ADAMTS3: variants seen among roughly 807,000 people sequenced by gnomAD.
ADAMTS3 encodes the protein ADAM metallopeptidase with thrombospondin type 1 motif 3.
In ADAMTS3, 73 loss-of-function variants were observed where a neutral mutation model predicts 129.0. That is an observed-to-expected ratio of 0.57 (90% CI 0.47 to 0.69). The LOEUF (loss-of-function observed/expected upper bound fraction) is 0.69, where lower values mean the gene tolerates loss of function less well. Among genes scored for constraint, ADAMTS3 ranks in the 30% least tolerant of loss-of-function variants. The pLI is 0.00. For missense variants in ADAMTS3, 1,457 were observed against 1,514.5 expected, an observed-to-expected ratio of 0.96 and a Z score of 0.63; for synonymous variants, 477 against 510.8, an observed-to-expected ratio of 0.93 and a Z score of 0.89.
chr4:72,477,075 T>C (rs1159828274), intron 3 of ADAMTS3, among the ~76,000 whole-genome samples: 1 of 152,104 alleles, frequency 6.6e-6, no homozygotes, highest in Non-Finnish European at 1.5e-5. Flanking sequence ...GATAACATTA[T>C]ATTTAAGTGG....
At chr4:72,516,848 C>T (rs558887767) in intron 3 of ADAMTS3, among the ~76,000 whole-genome samples, 1 of 151,946 alleles carries the variant, frequency 6.6e-6, no homozygotes, top group African/African-American at 2.4e-5. Flanking sequence ...TGCCTAATTG[C>T]CCTGGCCAGA....
intron 3 of ADAMTS3, among the ~76,000 whole-genome samples, chr4:72,506,018 A>T (rs1026060068): frequency 6.6e-6 from 1 of 152,168 alleles, no homozygotes; most frequent in African/African-American, 2.4e-5. Context: ...ATGCATGGAG[A>T]TCTGCCTGAG....
chr4:72,459,427 C>T (rs1049294157), intron 3 of ADAMTS3, among the ~76,000 whole-genome samples: 2 of 151,646 alleles, frequency 1.3e-5, no homozygotes, highest in African/African-American at 2.4e-5. Context: ...TAGCAATAAA[C>T]GCAAATTATC....
At chr4:72,333,650 A>G (rs1039158982) in intron 5 of ADAMTS3, among the ~76,000 whole-genome samples, 1 of 152,006 alleles carries the variant, frequency 6.6e-6, no homozygotes, top group South Asian at 2.1e-4. Flanking sequence ...TATGACCTGA[A>G]AGATGCTTGC....
intron 21 of ADAMTS3, among the ~76,000 whole-genome samples, chr4:72,285,589 T>C (rs1023185847): frequency 1.3e-5 from 2 of 152,140 alleles, no homozygotes; most frequent in African/African-American, 2.4e-5. Context: ...AGGTCTCCCA[T>C]GTCTAAGTGT....
chr4:72,354,714 C>A (rs1578608997), intron 4 of ADAMTS3, among the ~76,000 whole-genome samples: 1 of 152,128 alleles, frequency 6.6e-6, no homozygotes, highest in East Asian at 1.9e-4. Context: ...CATAATATAT[C>A]CTTCAACAGT....
At chr4:72,549,013 A>G (rs61317550) in intron 2 of ADAMTS3, 129 bp from the exon 3 acceptor site, 215,072 of 727,718 alleles carry the variant, frequency 0.3, 33,746 homozygotes, top group East Asian at 0.48. Flanking sequence ...TTCCTGAATC[A>G]GCTCATAAAT....
chr4:72,343,764 A>G (rs1028110143), intron 4 of ADAMTS3, among the ~76,000 whole-genome samples: 2 of 152,138 alleles, frequency 1.3e-5, no homozygotes, highest in African/African-American at 4.8e-5. Context: ...CAAAAGGAAA[A>G]AAAAGGCCCT....
At position 72,568,198 on chromosome 4, in the gene ADAMTS3, C is replaced by T. The variant is rs1356324841; in HGVS notation, c.69+496G>A. Among the ~76,000 whole-genome samples, 3 of 152,138 alleles carry T rather than the reference C, an allele frequency of 2.0e-5. No homozygotes were observed. In the East Asian group the frequency reaches 5.8e-4, roughly 29 times the overall value. On this transcript the variant is annotated intron_variant, in intron 1 of 21. Coordinates refer to ENST00000286657, the MANE Select transcript of ADAMTS3 (RefSeq NM_014243.3). ...CGTGTCTACTGGATCTCTCCCTGTC[C>T]GGCCCAAGGACTTCCTGAAACCCCC...
chr4:72,564,167 C>T (rs909698599), intron 2 of ADAMTS3, among the ~76,000 whole-genome samples: 2 of 151,966 alleles, frequency 1.3e-5, no homozygotes, highest in Non-Finnish European at 2.9e-5. Flanking sequence ...CAAGTGGGGT[C>T]GGGAAAGGGA....
chr4:72,290,926 G>A lies in ADAMTS3; in HGVS notation c.2860C>T (p.Arg954Cys), dbSNP rs753521781. ...TTACAGGGCCGGCGGCTCTCGGGACGGTCACCCATGCAGTATTTGCTGTGC... is the reference window on the plus strand; with the variant it reads ...TTACAGGGCCGGCGGCTCTCGGGACAGTCACCCATGCAGTATTTGCTGTGC... ...SVHSKYCMGD[R>C]PESRRPCNRV... The change falls in exon 20 of 22, where the codon CGT (arginine) becomes TGT (cysteine). Residue 954 changes from arginine to cysteine, a missense_variant. Transcript: ENST00000286657. 10 of 1,613,888 alleles carry A rather than the reference G, an allele frequency of 6.2e-6. No homozygotes were observed. The highest frequency in any genetic ancestry group is 1.1e-5 in the South Asian group (1 of 91,082).
In ADAMTS3 at chr4:72,369,114, C is replaced by T. The variant is rs116227930; in HGVS notation, c.662-29421G>A. Among the ~76,000 whole-genome samples the T allele has an allele frequency of 4.3e-3, 649 of 152,246 alleles. 1 individual carries two copies. Among genetic ancestry groups the T allele is most frequent in the Non-Finnish European group, 5.1e-3 (346 of 68,010 alleles). On this transcript the variant is annotated intron_variant, in intron 4 of 21. Coordinates refer to ENST00000286657, the MANE Select transcript of ADAMTS3 (RefSeq NM_014243.3). ...GATGAAAAACAGTTAAAAGTAGATC[C>T]GAACACTTACACATGTGATAGAAAC...
intron 3 of ADAMTS3, among the ~76,000 whole-genome samples, chr4:72,533,670 C>CAGATATGTATATAT (rs1721109324): frequency 6.6e-6 from 1 of 151,148 alleles, no homozygotes; most frequent in Non-Finnish European, 1.5e-5. Context: ...TATGTATATG[C>CAGATATGTATATAT]ACATATATGC....
At chr4:72,501,260 C>T (rs1399859743) in intron 3 of ADAMTS3, among the ~76,000 whole-genome samples, 1 of 152,066 alleles carries the variant, frequency 6.6e-6, no homozygotes, top group East Asian at 1.9e-4. Context: ...AAATTTTTTT[C>T]AGTTTATTTG....
At chr4:72,312,181 G>C in intron 13 of ADAMTS3, 110 bp downstream of exon 13, 1 of 1,223,606 alleles carries the variant, frequency 8.2e-7, no homozygotes, top group Non-Finnish European at 1.2e-6. Context: ...TAAGCACCAA[G>C]TTTCCTAAGT....
intron 3 of ADAMTS3, among the ~76,000 whole-genome samples, chr4:72,467,758 C>T (rs1718960040): frequency 6.6e-6 from 1 of 152,002 alleles, no homozygotes; most frequent in South Asian, 2.1e-4. Flanking sequence ...AGCAAGTTTG[C>T]ATCACTTTAC....
intron 3 of ADAMTS3, among the ~76,000 whole-genome samples, chr4:72,462,904 T>C (rs944909875): frequency 6.6e-5 from 10 of 151,990 alleles, no homozygotes; most frequent in East Asian, 1.9e-4. Context: ...ATAAATTTAG[T>C]GTAGCCTAAG....
intron 4 of ADAMTS3, among the ~76,000 whole-genome samples, chr4:72,363,409 G>A (rs1254124747): frequency 1.3e-5 from 2 of 152,078 alleles, no homozygotes. Flanking sequence ...ATGCTGGATA[G>A]GAACACTCAA....
At chr4:72,294,462 C>A (rs1000867269) in intron 19 of ADAMTS3, among the ~76,000 whole-genome samples, 2 of 152,052 alleles carry the variant, frequency 1.3e-5, no homozygotes, top group African/African-American at 4.8e-5. Context: ...GTGTGTACCA[C>A]AAAAAATGAT....
Sources: gnomAD v4.1 joint callset for allele counts (sites outside exome capture counted in the v4.1 genomes callset) on GRCh38, gnomAD v4.1.1 for gene constraint, MANE v1.5 for transcripts, NCBI Gene and HGNC (gene_info 2026-07-23, HGNC 2026-07-21) for gene names.